FBRSL1: variants seen among roughly 807,000 people sequenced by gnomAD.
The protein encoded by FBRSL1 is fibrosin like 1.
Under a neutral mutation model 89.6 loss-of-function variants are expected in FBRSL1, and 51 were observed. The ratio of observed to expected loss-of-function variants is 0.57; its 90% CI spans 0.45 to 0.72. FBRSL1 has a LOEUF of 0.72. Among genes scored for constraint, FBRSL1 ranks in the 30% least tolerant of loss-of-function variants. The pLI, the probability that FBRSL1 is intolerant of heterozygous loss-of-function variation, is 0.00. For synonymous variants in FBRSL1, 779 were observed against 681.1 expected (o/e 1.14, Z -2.24); for missense variants, 1,618 against 1,451.8 (o/e 1.11, Z -1.86).
Position 132,550,288 on chromosome 12 carries a change from C to T in FBRSL1, c.645+2256C>T, listed in dbSNP as rs551378647. Among the ~76,000 whole-genome samples, 5 of 151,998 alleles carry T rather than the reference C, an allele frequency of 3.3e-5. No homozygotes were observed. In the East Asian group the frequency reaches 9.7e-4, roughly 29 times the overall value. Reference sequence around the variant, plus strand: ...CCAGGGCAGAACTTCGGGTCACGCCCACTCTGGGGAGAGCAGAGAGGCCTG... The same window carrying T: ...CCAGGGCAGAACTTCGGGTCACGCCTACTCTGGGGAGAGCAGAGAGGCCTG... On this transcript the variant is annotated intron_variant, in intron 5 of 18. Transcript: ENST00000680143.
chr12:132,557,256 C>G (rs561001468), intron 5 of FBRSL1, among the ~76,000 whole-genome samples: 7 of 152,200 alleles, frequency 4.6e-5, no homozygotes, highest in Non-Finnish European at 7.3e-5. Context: ...ACCGTCAAGT[C>G]CCTAACTGGA....
intron 2 of FBRSL1, among the ~76,000 whole-genome samples, chr12:132,516,184 C>T (rs918595533): frequency 2.0e-5 from 3 of 150,728 alleles, no homozygotes; most frequent in South Asian, 2.1e-4. Context: ...ATAGATAATC[C>T]GAATAGTCTT....
At chr12:132,502,768 C>T (rs1375796861) in intron 1 of FBRSL1, among the ~76,000 whole-genome samples, 4 of 133,342 alleles carry the variant, frequency 3.0e-5, no homozygotes, top group Non-Finnish European at 6.6e-5. Flanking sequence ...CTCCTGTCCC[C>T]GCCCCCTACC....
In FBRSL1 at chr12:132,546,280, C is replaced by G. The variant is rs1007960241; in HGVS notation, c.616-1723C>G. Among the ~76,000 whole-genome samples the G allele has an allele frequency of 1.3e-5, 2 of 152,272 alleles. No individual in the cohort carries two copies. Among genetic ancestry groups the G allele is most frequent in the African/African-American group, 4.8e-5 (2 of 41,474 alleles). On this transcript the variant is annotated intron_variant, in intron 4 of 18. Coordinates refer to ENST00000680143, the MANE Select transcript of FBRSL1 (RefSeq NM_001367871.1). This position sits in a 1 kb window ranked among gnomAD's most constrained non-coding sequence, Gnocchi z 4.0. Reference sequence around the variant, plus strand: ...GGACTCAGAGGCCCAGGGCCACCAGCAAAGCTGGTCTGCATGTCGGGGTCC... The same window carrying G: ...GGACTCAGAGGCCCAGGGCCACCAGGAAAGCTGGTCTGCATGTCGGGGTCC...
chr12:132,550,735 C>T (rs907162412), intron 5 of FBRSL1: 3 of 152,864 alleles, frequency 2.0e-5, no homozygotes, highest in Admixed American at 1.3e-4. Context: ...CCGTTTCCCT[C>T]CGAGTGCATG....
At chr12:132,535,750 TG>T (rs1401396336) in intron 4 of FBRSL1, among the ~76,000 whole-genome samples, 3 of 152,238 alleles carry the variant, frequency 2.0e-5, no homozygotes, top group African/African-American at 7.2e-5. Flanking sequence ...CCTGCATGTG[TG>T]CACGTGTACA....
intron 14 of FBRSL1, among the ~76,000 whole-genome samples, chr12:132,575,195 C>A (rs762273109): frequency 2.0e-5 from 3 of 152,218 alleles, no homozygotes; most frequent in Non-Finnish European, 4.4e-5. Context: ...GTCCTAAATG[C>A]CCTTTGGGAC....
chr12:132,521,481 T>C (rs868137448), intron 2 of FBRSL1, among the ~76,000 whole-genome samples: 4 of 152,150 alleles, frequency 2.6e-5, no homozygotes, highest in Non-Finnish European at 4.4e-5. Context: ...GTAGGCCCCT[T>C]CTCAGGGTTC....
chr12:132,502,249 C>A (rs1036690045), intron 1 of FBRSL1, among the ~76,000 whole-genome samples: 3 of 152,214 alleles, frequency 2.0e-5, no homozygotes, highest in Non-Finnish European at 2.9e-5. Flanking sequence ...TTCTAGAATC[C>A]TTGGCAGACC....
At chr12:132,514,066 C>T (rs900183862) in intron 2 of FBRSL1, among the ~76,000 whole-genome samples, 3 of 152,234 alleles carry the variant, frequency 2.0e-5, no homozygotes, top group South Asian at 2.1e-4. Flanking sequence ...GGGCCTTCCC[C>T]GTTTGCTCAT....
chr12:132,567,105 C>T (rs957430375), intron 5 of FBRSL1, among the ~76,000 whole-genome samples: 3 of 152,214 alleles, frequency 2.0e-5, no homozygotes, highest in Admixed American at 6.5e-5. Flanking sequence ...GGGGGCCCAG[C>T]AGGGCCCACA....
At chr12:132,502,241 C>T (rs1415311760) in intron 1 of FBRSL1, among the ~76,000 whole-genome samples, 1 of 152,212 alleles carries the variant, frequency 6.6e-6, no homozygotes, top group Non-Finnish European at 1.5e-5. Flanking sequence ...GGGGGCCCTT[C>T]TAGAATCCTT....
intron 2 of FBRSL1, among the ~76,000 whole-genome samples, chr12:132,512,877 A>G (rs921763291): frequency 6.6e-6 from 1 of 152,212 alleles, no homozygotes; most frequent in African/African-American, 2.4e-5. Flanking sequence ...TTCAGGACCC[A>G]GAGGGGCTCT....
chr12:132,576,038 G>A (rs1157428656), intron 14 of FBRSL1, among the ~76,000 whole-genome samples: 2 of 152,180 alleles, frequency 1.3e-5, no homozygotes, highest in African/African-American at 4.8e-5. Context: ...GGCAGCGTGG[G>A]CACCTGAAGT....
chr12:132,496,956 G>C (rs1414058366), intron 1 of FBRSL1, among the ~76,000 whole-genome samples: 1 of 152,210 alleles, frequency 6.6e-6, no homozygotes, highest in Non-Finnish European at 1.5e-5. Flanking sequence ...GCGGTGTCCT[G>C]TGTTGCTGTC....
Position 132,570,535 on chromosome 12 carries a change from C to T in FBRSL1, c.1208C>T (p.Pro403Leu). 1 of 1,508,064 alleles carries T rather than the reference C, an allele frequency of 6.6e-7. No individual in the cohort carries two copies. The allele number at this position is 1,508,064 out of a possible 1,614,324, so 93.4% of individuals were successfully genotyped here. The change falls in exon 8 of 19, where the codon CCG (proline) becomes CTG (leucine). Residue 403 changes from proline to leucine, a missense_variant. Transcript: ENST00000680143. ...AGCAGCCTGGTCCTCCCAGGACACC[C>T]GGCCGGTAGGTGTCTCGGCCACAAT... Reference protein sequence around the residue: ...PASSLVLPGHPADASLAVSFS... With the variant: ...PASSLVLPGHLADASLAVSFS...
rs1047039371 is a variant in FBRSL1, at chr12:132,583,132, C to T, written c.2363C>T (p.Pro788Leu). The part of the protein sequence containing the change: ...AEPRVKESRS[P>L]AKEEAAKMPA... ...CCTCGGGTCAAGGAGAGCCGCTCCC[C>T]GGCCAAGGAGGAGGCCGCCAAGATG... The change falls in exon 19 of 19, where the codon CCG becomes CTG. Residue 788 changes from proline to leucine, a missense_variant. Physicochemically the swap from Pro to Leu is moderately conservative, Grantham distance 98. Transcript: ENST00000680143. 4 of 1,462,324 alleles carry T rather than the reference C, an allele frequency of 2.7e-6. No homozygotes were observed. Among genetic ancestry groups the T allele is most frequent in the African/African-American group, 3.0e-5 (2 of 67,544 alleles). 90.6% of individuals were successfully genotyped at this position (1,462,324 alleles called of 1,614,324 possible). A position where few individuals can be genotyped will look rare whatever the true frequency, so the allele number is the denominator to read the frequency against.
At chr12:132,522,102 A>T (rs1291238336) in intron 2 of FBRSL1, among the ~76,000 whole-genome samples, 1 of 151,948 alleles carries the variant, frequency 6.6e-6, no homozygotes, top group Non-Finnish European at 1.5e-5. Flanking sequence ...GCGGCCCCTC[A>T]GCCTGGGGTG....
Position 132,583,564 on chromosome 12 carries a change from G to A in FBRSL1, c.2795G>A (p.Arg932His). 2 of 1,029,206 alleles carry A rather than the reference G, an allele frequency of 1.9e-6. No individual in the cohort carries two copies. The highest frequency in any genetic ancestry group is 2.3e-6 in the Non-Finnish European group (2 of 858,242). The allele number at this position is 1,029,206 out of a possible 1,614,324, so 63.8% of individuals were successfully genotyped here. A position where few individuals can be genotyped will look rare whatever the true frequency, so the allele number is the denominator to read the frequency against. ...LPSLGALHFP[R>H]LSPAALHNGL... ...TCGCTGGGAGCCCTGCACTTCCCGC[G>A]CCTCTCGCCCGCCGCGCTGCACAAT... Residue 932 changes from arginine to histidine, a missense_variant, in exon 19 of 19, where the codon CGC becomes CAC. By Grantham distance (29) the Arg-to-His change is conservative (BLOSUM62 0). Transcript: ENST00000680143.
Sources: gnomAD v4.1 joint callset for allele counts (sites outside exome capture counted in the v4.1 genomes callset) on GRCh38, gnomAD v4.1.1 for gene constraint, Gnocchi (gnomAD v3.1) non-coding constraint, MANE v1.5 for transcripts, NCBI Gene and HGNC (gene_info 2026-07-23, HGNC 2026-07-21) for gene names.